The following IQGAP1 variants were observed in gnomAD, a reference collection of about 807,000 sequenced individuals.
The protein encoded by IQGAP1 is ras GTPase-activating-like protein IQGAP1.
IQGAP1 carries 66 observed loss-of-function variants against 215.6 expected under a neutral mutation model. The observed-to-expected ratio is 0.31, with a 90% CI of 0.25 to 0.38. IQGAP1 has a LOEUF of 0.38. Ranked by LOEUF, IQGAP1 falls within the 10% of genes least tolerant of loss-of-function variation. The probability of loss-of-function intolerance (pLI) is 1.00; values close to 1 mark genes in which losing one functional copy is unlikely to be tolerated. For missense variants in IQGAP1, 1,712 were observed against 1,997.1 expected (o/e 0.86, Z 2.72); for synonymous variants, 772 against 728.7 (o/e 1.06, Z -0.96).
chr15:90,462,274 C>T (rs1965774787), intron 15 of IQGAP1, among the ~76,000 whole-genome samples: 1 of 152,204 alleles, frequency 6.6e-6, no homozygotes, highest in African/African-American at 2.4e-5. Context: ...TTCACACCAG[C>T]ACAGCTGTAC....
At chr15:90,457,614 G>A (rs371542896) in intron 15 of IQGAP1, among the ~76,000 whole-genome samples, 2 of 65,516 alleles carry the variant, frequency 3.1e-5, no homozygotes, top group South Asian at 4.7e-4. Flanking sequence ...TTTTTTTTTT[G>A]TATTTTTTGT....
intron 2 of IQGAP1, among the ~76,000 whole-genome samples, chr15:90,396,887 C>G (rs1964728758): frequency 6.6e-6 from 1 of 151,336 alleles, no homozygotes; most frequent in African/African-American, 2.4e-5. Flanking sequence ...GAGTCTCGCT[C>G]TGTTGCCCAG....
intron 31 of IQGAP1, 162 bp downstream of exon 31, chr15:90,486,294 A>G: frequency 1.8e-6 from 1 of 549,108 alleles, no homozygotes; most frequent in South Asian, 2.4e-5. Context: ...AAACAACAAC[A>G]ACAACAAAAG....
chr15:90,388,578 C>T (rs929064854), intron 1 of IQGAP1, among the ~76,000 whole-genome samples, 182 bp downstream of exon 1: 8 of 152,042 alleles, frequency 5.3e-5, no homozygotes, highest in Non-Finnish European at 1.0e-4. Flanking sequence ...CGCGCCCCCT[C>T]GGGGTCCGAG....
intron 15 of IQGAP1, among the ~76,000 whole-genome samples, chr15:90,464,461 C>A (rs1485937034): frequency 2.0e-5 from 3 of 152,094 alleles, no homozygotes. Context: ...GAAGTAGAAT[C>A]CTATTGTGCT....
At chr15:90,461,998 A>AG (rs1342567745) in intron 15 of IQGAP1, among the ~76,000 whole-genome samples, 1 of 14,902 alleles carries the variant, frequency 6.7e-5, no homozygotes, top group Non-Finnish European at 1.3e-4. Context: ...AAAAAAAAAA[A>AG]AGAAAAAAAA....
chr15:90,441,572 C>T lies in IQGAP1; in HGVS notation c.716C>T (p.Ala239Val), dbSNP rs865969402. The T allele has an allele frequency of 1.9e-6, 3 of 1,613,812 alleles. No homozygotes were observed. Among genetic ancestry groups the T allele is most frequent in the Non-Finnish European group, 8.5e-7 (1 of 1,179,934 alleles). ...DRRIPADTFA[A>V]LKNPNAMLVN... ...AGAATTCCAGCCGACACATTTGCAG[C>T]TTTGAAAAATCCGAATGCCATGCTT... is the stretch of plus-strand genomic sequence containing the variant. The change falls in exon 8 of 38, where the codon GCT becomes GTT. Residue 239 changes from alanine (A) to valine (V), a missense_variant. Ala to Val is a moderately conservative substitution (Grantham distance 64, BLOSUM62 0). This residue lies in a region of IQGAP1 where 1,021 missense variants were observed against 1,074.2 expected (regional missense o/e 0.95). Coordinates refer to ENST00000268182, the MANE Select transcript of IQGAP1 (RefSeq NM_003870.4).
In IQGAP1 at chr15:90,501,692, G is replaced by A. The variant is rs777261102; in HGVS notation, c.*1584G>A. On this transcript the variant is annotated 3_prime_UTR_variant, in exon 38 of 38. Transcript: ENST00000268182. ...CGCCACTACCCAGACCTTGTTTTTT[G>A]TTGTATTTTGGAAGACAGGTTTTTT... The A allele has an allele frequency of 6.6e-6, 1 of 152,130 alleles. No individual in the cohort carries two copies. The highest frequency in any genetic ancestry group is 1.5e-5 in the Non-Finnish European group (1 of 68,020). The allele number at this position is 152,130 out of a possible 1,614,324, so 9.4% of individuals were successfully genotyped here. A position where few individuals can be genotyped will look rare whatever the true frequency, so the allele number is the denominator to read the frequency against.
chr15:90,485,403 T>C (rs1481988914), intron 30 of IQGAP1, among the ~76,000 whole-genome samples: 1 of 152,116 alleles, frequency 6.6e-6, no homozygotes, highest in Non-Finnish European at 1.5e-5. Context: ...TATTGAACTT[T>C]GAGTTTCAGT....
At chr15:90,404,321 T>G (rs1296216544) in intron 2 of IQGAP1, among the ~76,000 whole-genome samples, 2 of 152,180 alleles carry the variant, frequency 1.3e-5, no homozygotes, top group Non-Finnish European at 2.9e-5. Context: ...CAACCCAGAG[T>G]ATTACAGATT....
Position 90,495,979 on chromosome 15 carries a change from A to G in IQGAP1, c.4751+1144A>G, listed in dbSNP as rs1644865702. ...TTATTATAGGTCATTATCTTCCACT[A>G]CTGTTCAAGTGCCTACCTCTATTTG... On this transcript the variant is annotated intron_variant, in intron 36 of 37. Coordinates refer to ENST00000268182, the MANE Select transcript of IQGAP1 (RefSeq NM_003870.4). Among the ~76,000 whole-genome samples the G allele has an allele frequency of 2.7e-5, 4 of 150,758 alleles. No individual in the cohort carries two copies. In the South Asian group the frequency reaches 8.3e-4, roughly 31 times the overall value.
At position 90,454,499 on chromosome 15, in the gene IQGAP1, A is replaced by T. The variant is rs927632974; in HGVS notation, c.1559A>T (p.Asp520Val). The change falls in exon 14 of 38, where the codon GAT (aspartate) becomes GTT (valine). Residue 520 changes from aspartate (D) to valine (V), a missense_variant. Around this residue, in one of 2 missense-constraint regions of IQGAP1, gnomAD observed 1,021 missense variants for 1,074.2 expected, o/e 0.95. Coordinates refer to ENST00000268182, the MANE Select transcript of IQGAP1 (RefSeq NM_003870.4). The part of the protein sequence containing the change: ...AENNEFITWN[D>V]IQACVDHVNL... ...AATAATGAATTCATTACATGGAATGATATCCAAGCTTGCGTGGACCATGTG... is the reference window on the plus strand; with the variant it reads ...AATAATGAATTCATTACATGGAATGTTATCCAAGCTTGCGTGGACCATGTG... The T allele has an allele frequency of 1.5e-5, 24 of 1,611,482 alleles. No homozygotes were observed. Among genetic ancestry groups the T allele is most frequent in the Non-Finnish European group, 2.0e-5 (24 of 1,179,016 alleles).
Position 90,492,697 on chromosome 15 carries a change from A to C in IQGAP1, c.4614A>C (p.Leu1538Phe), listed in dbSNP as rs1323829650. ...ATATCAAAACCTGCTTGGATAACTT[A>C]GCCAGCAAGGGCAAGTGAGTATTTT... ...KSYIKTCLDN[L>F]ASKGKVSKKP... The change falls in exon 35 of 38, where the codon TTA becomes TTC. Residue 1538 changes from leucine to phenylalanine, a missense_variant. Physicochemically the swap from Leu to Phe is conservative, Grantham distance 22. Transcript: ENST00000268182. The C allele has an allele frequency of 5.6e-6, 9 of 1,610,464 alleles. No homozygotes were observed. Among genetic ancestry groups the C allele is most frequent in the Non-Finnish European group, 7.6e-6 (9 of 1,178,984 alleles).
At chr15:90,445,847 G>GT (rs11320197) in intron 9 of IQGAP1, among the ~76,000 whole-genome samples, 2,076 of 140,690 alleles carry the variant, frequency 0.015, 37 homozygotes, top group African/African-American at 0.047. Flanking sequence ...TTTTTTTTGG[G>GT]TTTTTTTTTT....
intron 2 of IQGAP1, among the ~76,000 whole-genome samples, chr15:90,423,442 A>G (rs1210130187): frequency 6.6e-6 from 1 of 152,146 alleles, no homozygotes; most frequent in Non-Finnish European, 1.5e-5. Context: ...CATGTTGTCC[A>G]GGCTGGTCTG....
Position 90,466,100 on chromosome 15 carries a change from C to A in IQGAP1, c.1867+9C>A. On this transcript the variant is annotated intron_variant, in intron 16 of 37. Transcript: ENST00000268182. The stretch of plus-strand genomic sequence containing the variant: ...CCAAGAAGCACAGAAGTGTATGTAT[C>A]ACCTGTTTTATTTCTGTTTTGGTGG... The A allele has an allele frequency of 1.2e-6, 2 of 1,612,382 alleles. No homozygotes were observed. The highest frequency in any genetic ancestry group is 1.7e-6 in the Non-Finnish European group (2 of 1,178,458).
At chr15:90,458,221 A>T (rs1016637303) in intron 15 of IQGAP1, among the ~76,000 whole-genome samples, 1 of 152,240 alleles carries the variant, frequency 6.6e-6, no homozygotes, top group Non-Finnish European at 1.5e-5. Flanking sequence ...TTGCTGAATA[A>T]TATTCCATTG....
intron 15 of IQGAP1, among the ~76,000 whole-genome samples, chr15:90,459,535 T>TGTG (rs1965732311): frequency 6.6e-6 from 1 of 152,220 alleles, no homozygotes; most frequent in South Asian, 2.1e-4. Flanking sequence ...GATGTGACTA[T>TGTG]AGAGTTTGAA....
chr15:90,401,163 T>C (rs1050397747), intron 2 of IQGAP1, among the ~76,000 whole-genome samples: 4 of 152,152 alleles, frequency 2.6e-5, no homozygotes, highest in Non-Finnish European at 5.9e-5. Context: ...ATCAGGGCTC[T>C]GCTCCTTAAT....
Sources: gnomAD v4.1 joint callset for allele counts (sites outside exome capture counted in the v4.1 genomes callset) on GRCh38, gnomAD v4.1.1 for gene constraint, gnomAD v4.1.1 regional missense constraint, MANE v1.5 for transcripts, NCBI Gene and HGNC (gene_info 2026-07-23, HGNC 2026-07-21) for gene names.